The following RSPO2 variants were observed in gnomAD, a reference collection of about 807,000 sequenced individuals.
RSPO2 encodes the protein R-spondin 2.
Under a neutral mutation model 30.9 loss-of-function variants are expected in RSPO2, and 14 were observed. The ratio of observed to expected loss-of-function variants is 0.45; its 90% CI spans 0.30 to 0.71. The LOEUF (loss-of-function observed/expected upper bound fraction) is 0.71. Ranked by LOEUF, RSPO2 falls within the 30% of genes least tolerant of loss-of-function variation. RSPO2 has a pLI of 0.08. For synonymous variants in RSPO2, 107 were observed against 96.4 expected, an observed-to-expected ratio of 1.11 and a Z score of -0.64; for missense variants, 264 against 301.9, an observed-to-expected ratio of 0.87 and a Z score of 0.93.
intron 5 of RSPO2, among the ~76,000 whole-genome samples, chr8:107,932,477 G>A (rs905838597): frequency 6.6e-6 from 1 of 152,078 alleles, no homozygotes; most frequent in Non-Finnish European, 1.5e-5. Flanking sequence ...ATAACCAGGT[G>A]GAAATATGAA....
intron 2 of RSPO2, among the ~76,000 whole-genome samples, chr8:108,055,360 A>G (rs1372880647): frequency 6.6e-6 from 1 of 152,130 alleles, no homozygotes; most frequent in Non-Finnish European, 1.5e-5. Context: ...GGTCACAGAG[A>G]GGCTTCCAGG....
intron 2 of RSPO2, among the ~76,000 whole-genome samples, chr8:108,019,463 G>T (rs1810992332): frequency 6.6e-6 from 1 of 152,084 alleles, no homozygotes; most frequent in Non-Finnish European, 1.5e-5. Context: ...CTTCTGCAAA[G>T]CTGACCCATT....
chr8:108,008,656 C>G (rs1815542465), intron 2 of RSPO2, among the ~76,000 whole-genome samples: 1 of 151,872 alleles, frequency 6.6e-6, no homozygotes, highest in Non-Finnish European at 1.5e-5. Context: ...CTATTATAAA[C>G]ACATTTAAAA....
intron 2 of RSPO2, among the ~76,000 whole-genome samples, chr8:108,019,385 A>G (rs939792000): frequency 6.6e-6 from 1 of 152,038 alleles, no homozygotes; most frequent in Non-Finnish European, 1.5e-5. Context: ...GGTAAAAAAA[A>G]TAAAATTCAC....
chr8:107,913,148 C>T (rs2130280386), intron 5 of RSPO2, among the ~76,000 whole-genome samples: 2 of 152,170 alleles, frequency 1.3e-5, no homozygotes, highest in East Asian at 3.9e-4. Flanking sequence ...CCTAAGATGC[C>T]ACAGGCAGTA....
chr8:108,022,937 A>C (rs1434546012), intron 2 of RSPO2, among the ~76,000 whole-genome samples: 23 of 151,188 alleles, frequency 1.5e-4, no homozygotes, highest in African/African-American at 2.4e-4. Context: ...AAAAAACAAA[A>C]AAAAAAACCA....
At chr8:108,062,967 G>C (rs979122936) in intron 2 of RSPO2, among the ~76,000 whole-genome samples, 1 of 151,832 alleles carries the variant, frequency 6.6e-6, no homozygotes, top group African/African-American at 2.4e-5. Context: ...AAAGGACTTT[G>C]ACAAAATTCA....
At chr8:108,063,987 T>G (rs1254307010) in intron 2 of RSPO2, among the ~76,000 whole-genome samples, 2 of 152,222 alleles carry the variant, frequency 1.3e-5, no homozygotes, top group African/African-American at 4.8e-5. Flanking sequence ...TGTAGAAAGC[T>G]GAAGCTGGAT....
intron 2 of RSPO2, among the ~76,000 whole-genome samples, chr8:108,059,709 G>A (rs1812385545): frequency 6.7e-6 from 1 of 148,470 alleles, no homozygotes; most frequent in Non-Finnish European, 1.5e-5. Context: ...GTAGGGACAT[G>A]GATGAAACTG....
In RSPO2 at chr8:108,009,856, C is replaced by T. The variant is rs542980794; in HGVS notation, c.95-20612G>A. Among the ~76,000 whole-genome samples, 74 of 152,108 alleles carry T rather than the reference C, an allele frequency of 4.9e-4. 1 individual carries two copies. The highest frequency in any genetic ancestry group is 6.8e-3 in the Middle Eastern group (2 of 294). On this transcript the variant is annotated intron_variant, in intron 2 of 5. Coordinates refer to ENST00000276659, the MANE Select transcript of RSPO2 (RefSeq NM_178565.5). ...CTTGATTCCAGGAGTTCAAGACAAG[C>T]CTGGATGACATGGCAAAACTCCATC...
chr8:108,020,264 C>T (rs773995609), intron 2 of RSPO2, among the ~76,000 whole-genome samples: 2 of 152,124 alleles, frequency 1.3e-5, no homozygotes, highest in Non-Finnish European at 2.9e-5. Context: ...CTCTCTTCTG[C>T]ATTTTTATCA....
intron 2 of RSPO2, among the ~76,000 whole-genome samples, chr8:108,001,389 C>G (rs370397964): frequency 7.9e-5 from 12 of 152,148 alleles, no homozygotes; most frequent in African/African-American, 2.9e-4. Context: ...TTTGGGAAAC[C>G]AAGCCCTATA....
chr8:108,004,124 C>T (rs539660762), intron 2 of RSPO2, among the ~76,000 whole-genome samples: 71 of 152,242 alleles, frequency 4.7e-4, no homozygotes, highest in African/African-American at 1.6e-3. Context: ...ATTAAGATAT[C>T]ACCCACAAAA....
intron 2 of RSPO2, among the ~76,000 whole-genome samples, chr8:108,022,283 C>T (rs1355478570): frequency 1.3e-5 from 2 of 151,950 alleles, no homozygotes; most frequent in Non-Finnish European, 2.9e-5. Flanking sequence ...AGAGAGAGAG[C>T]AACAGTTAAA....
intron 5 of RSPO2, among the ~76,000 whole-genome samples, chr8:107,912,646 T>C (rs540317): frequency 0.37 from 56,432 of 152,114 alleles, 12,065 homozygotes; most frequent in East Asian, 0.66. Flanking sequence ...GCAAAAATTC[T>C]AAAGAGACTA....
rs71308771 is a variant in RSPO2 at position 108,029,054 on chromosome 8, C to CTTTTTTTTT, written c.95-39819_95-39811dup. On this transcript the variant is annotated intron_variant, in intron 2 of 5. Transcript: ENST00000276659. ...AACTTGGGTAACTGTTAACATGAGT[C>CTTTTTTTTT]TTTTTTTTTTTTTTTTTTTTTTTTT... Among the ~76,000 whole-genome samples, 44 of 26,198 alleles carry CTTTTTTTTT rather than the reference C, an allele frequency of 1.7e-3. 20 individuals carry two copies. Among genetic ancestry groups the CTTTTTTTTT allele is most frequent in the South Asian group, 5.8e-3 (2 of 342 alleles). The allele number at this position is 26,198 out of a possible 152,430, so 17.2% of individuals were successfully genotyped here.
At chr8:107,946,880 C>T (rs556820140) in intron 5 of RSPO2, among the ~76,000 whole-genome samples, 2 of 152,270 alleles carry the variant, frequency 1.3e-5, no homozygotes, top group South Asian at 4.1e-4. Flanking sequence ...AAGACATCCA[C>T]CATCACTGAA....
chr8:107,950,117 A>G (rs1470941862), intron 5 of RSPO2, among the ~76,000 whole-genome samples: 1 of 141,176 alleles, frequency 7.1e-6, no homozygotes, highest in Non-Finnish European at 1.6e-5. Context: ...CCTCAATTCC[A>G]TAAGTCCTAC....
Position 107,899,541 on chromosome 8 carries a change from G to A in RSPO2, c.*1534C>T, listed in dbSNP as rs931299653. On this transcript the variant is annotated 3_prime_UTR_variant, in exon 6 of 6. Transcript: ENST00000276659. The stretch of plus-strand genomic sequence containing the variant: ...TATCTCATAGCAATATTTTCATAAC[G>A]ATGTATATGATATTTATCCTTATTG... 2.0e-5 allele frequency: 3 copies of A among 152,308 alleles called. No homozygotes were observed. The highest frequency in any genetic ancestry group is 4.4e-5 in the Non-Finnish European group (3 of 67,978). 9.4% of individuals were successfully genotyped at this position (152,308 alleles called of 1,614,324 possible). A position where few individuals can be genotyped will look rare whatever the true frequency, so the allele number is the denominator to read the frequency against.
Sources: gnomAD v4.1 joint callset for allele counts (sites outside exome capture counted in the v4.1 genomes callset) on GRCh38, gnomAD v4.1.1 for gene constraint, MANE v1.5 for transcripts, NCBI Gene and HGNC (gene_info 2026-07-23, HGNC 2026-07-21) for gene names.